DNAH10: variants seen among roughly 807,000 people sequenced by gnomAD.
DNAH10 encodes axonemal beta dynein heavy chain 10.
In DNAH10, 348 loss-of-function variants were observed where a neutral mutation model predicts 506.6. The ratio of observed to expected loss-of-function variants is 0.69; its 90% CI spans 0.63 to 0.75. The LOEUF is 0.75. Ranked by LOEUF, DNAH10 falls within the 30% of genes least tolerant of loss-of-function variation. DNAH10 has a pLI of 0.00. For missense variants in DNAH10, 5,179 were observed against 5,787.1 expected (o/e 0.89, Z 3.41); for synonymous variants, 2,059 against 2,198.6 (o/e 0.94, Z 1.78).
intron 10 of DNAH10, among the ~76,000 whole-genome samples, chr12:123,788,924 CAAAAA>C (rs1200548876): frequency 7.5e-5 from 5 of 66,596 alleles, no homozygotes; most frequent in Non-Finnish European, 1.2e-4. Flanking sequence ...GACCTTGCTT[CAAAAA>C]AAAAAAAAAA....
At chr12:123,814,718 C>T (rs1357764580) in intron 21 of DNAH10, among the ~76,000 whole-genome samples, 1 of 151,484 alleles carries the variant, frequency 6.6e-6, no homozygotes, top group African/African-American at 2.4e-5. Flanking sequence ...AGGTTCACGC[C>T]ATTCTCCTGC....
intron 61 of DNAH10, 33 bp downstream of exon 61, chr12:123,914,583 G>A (rs1954379569): frequency 1.9e-6 from 3 of 1,596,874 alleles, no homozygotes; most frequent in Non-Finnish European, 8.5e-7. Flanking sequence ...AGGAGGGAGG[G>A]GACACCTTAG....
chr12:123,931,494 T>A (rs777457681), intron 74 of DNAH10, 22 bp downstream of exon 74: 1 of 1,611,446 alleles, frequency 6.2e-7, no homozygotes, highest in Admixed American at 1.7e-5. Context: ...TCAGGAGGAC[T>A]TCATTAGTTT....
At chr12:123,825,063 G>A (rs1315258295) in intron 24 of DNAH10, among the ~76,000 whole-genome samples, 2 of 152,138 alleles carry the variant, frequency 1.3e-5, no homozygotes, top group African/African-American at 2.4e-5. Flanking sequence ...GAGGAGGAGT[G>A]GCCCAGGTGG....
chr12:123,926,591 G>GAGCTGTC lies in DNAH10; in HGVS notation c.11922-45_11922-39dup. 1 of 1,590,710 alleles carries GAGCTGTC rather than the reference G, an allele frequency of 6.3e-7. No individual in the cohort carries two copies. Among genetic ancestry groups the GAGCTGTC allele is most frequent in the African/African-American group, 1.3e-5 (1 of 74,188 alleles). ...ATCAGACAGACCAGCCCCTGGTCTG[G>GAGCTGTC]AGCTGTCCTCGCGGGAGAGTTTTCT... On this transcript the variant is annotated intron_variant, in intron 68 of 78. Coordinates refer to ENST00000673944, the MANE Select transcript of DNAH10 (RefSeq NM_001372106.1). The surrounding 1 kb of genome is among the most constrained non-coding windows in gnomAD (Gnocchi z 4.1).
In DNAH10 at chr12:123,914,769, C is replaced by T. The variant is rs186798780; in HGVS notation, c.10575-83C>T. 382 of 1,521,708 alleles carry T rather than the reference C, an allele frequency of 2.5e-4. No homozygotes were observed. The African/African-American group carries it at 4.5e-3, about 18-fold the overall frequency. The allele number at this position is 1,521,708 out of a possible 1,614,324, so 94.3% of individuals were successfully genotyped here. ...GTGGCCTGGGGATGGGTAGATTGTT[C>T]TGGAAGGCCAGTCCTACCACCCTTA... On this transcript the variant is annotated intron_variant, in intron 61 of 78. Coordinates refer to ENST00000673944, the MANE Select transcript of DNAH10 (RefSeq NM_001372106.1).
chr12:123,862,931 AAG>A (rs963344350), intron 39 of DNAH10, among the ~76,000 whole-genome samples: 3 of 152,192 alleles, frequency 2.0e-5, no homozygotes, highest in Non-Finnish European at 1.5e-5. Context: ...GAGAGAGAAT[AAG>A]AGAGAGTGCG....
intron 39 of DNAH10, among the ~76,000 whole-genome samples, chr12:123,864,146 T>TC (rs1555236401): frequency 8.8e-5 from 11 of 124,468 alleles, no homozygotes; most frequent in Non-Finnish European, 1.4e-4. Flanking sequence ...TTTTTTTCTT[T>TC]TTTTTTTTTT....
intron 57 of DNAH10, among the ~76,000 whole-genome samples, chr12:123,904,856 CA>C (rs1341487106): frequency 7.2e-5 from 11 of 152,188 alleles, no homozygotes; most frequent in Non-Finnish European, 1.3e-4. Flanking sequence ...ATTATGGCTC[CA>C]GCATCCAAAA....
chr12:123,819,792 C>T (rs2136407315), intron 23 of DNAH10, among the ~76,000 whole-genome samples: 1 of 150,908 alleles, frequency 6.6e-6, no homozygotes, highest in South Asian at 2.1e-4. Flanking sequence ...GCAACCTCCA[C>T]CTCCTGGGTT....
Position 123,845,786 on chromosome 12 carries a change from C to T in DNAH10, c.5547C>T (p.Ser1849=). The change falls in exon 31 of 79, where the codon AGC becomes AGT. Residue 1849 remains serine, a synonymous_variant. Transcript: ENST00000673944. ...TAACGCGCATCACCATGCCGCTAAGCAAAAACGACAGGAAAAAATACAACA... is the reference window on the plus strand; with the variant it reads ...TAACGCGCATCACCATGCCGCTAAGTAAAAACGACAGGAAAAAATACAACA... ...ELVTRITMPL[S]KNDRKKYNTV... The T allele has an allele frequency of 6.2e-7, 1 of 1,613,042 alleles. No homozygotes were observed. The highest frequency in any genetic ancestry group is 8.5e-7 in the Non-Finnish European group (1 of 1,179,468).
chr12:123,781,470 G>GTT (rs1403135575), intron 6 of DNAH10, among the ~76,000 whole-genome samples, 171 bp downstream of exon 6: 1 of 151,964 alleles, frequency 6.6e-6, no homozygotes, highest in African/African-American at 2.4e-5. Flanking sequence ...TTTTAGCACA[G>GTT]GATTTTTTGT....
intron 11 of DNAH10, among the ~76,000 whole-genome samples, chr12:123,791,788 C>G (rs1958090485): frequency 6.6e-6 from 1 of 152,080 alleles, no homozygotes; most frequent in Non-Finnish European, 1.5e-5. Flanking sequence ...CCAGGTTGGT[C>G]TTGAACTCCT....
chr12:123,770,487 ATTTT>A (rs56670119), intron 2 of DNAH10, among the ~76,000 whole-genome samples: 81,198 of 132,824 alleles, frequency 0.61, 24,881 homozygotes, highest in East Asian at 0.92. Flanking sequence ...CGTAAGTGTG[ATTTT>A]TTTTTTTTTT....
At chr12:123,780,808 G>T (rs1284929430) in intron 5 of DNAH10, among the ~76,000 whole-genome samples, 2 of 151,756 alleles carry the variant, frequency 1.3e-5, no homozygotes, top group Non-Finnish European at 2.9e-5. Context: ...AATTAGCTGG[G>T]TGTGCTGGTG....
intron 13 of DNAH10, among the ~76,000 whole-genome samples, chr12:123,798,279 A>G (rs1042622248): frequency 6.6e-6 from 1 of 152,232 alleles, no homozygotes; most frequent in Admixed American, 6.5e-5. Context: ...ATTGGCTCAC[A>G]GTTCTGCAGG....
intron 29 of DNAH10, among the ~76,000 whole-genome samples, chr12:123,840,633 T>C (rs1167023635): frequency 6.6e-6 from 1 of 152,144 alleles, no homozygotes; most frequent in Non-Finnish European, 1.5e-5. Context: ...TAGGAATACT[T>C]CATTTACTGT....
At position 123,928,382 on chromosome 12, in the gene DNAH10, C is replaced by T. The variant is rs751009842; in HGVS notation, c.12106-5C>T. On this transcript the variant is annotated splice_polypyrimidine_tract_variant and splice_region_variant and intron_variant, in intron 69 of 78. Coordinates refer to ENST00000673944, the MANE Select transcript of DNAH10 (RefSeq NM_001372106.1). This position sits in a 1 kb window ranked among gnomAD's most constrained non-coding sequence, Gnocchi z 4.9. ...CCCTCTCCTCTTCCCTCTCCCCCGG[C>T]GCAGGTGGCCCTGCAGCTGCTGGAG... 12 of 1,585,674 alleles carry T rather than the reference C, an allele frequency of 7.6e-6. No homozygotes were observed. Among genetic ancestry groups the T allele is most frequent in the East Asian group, 4.6e-5 (2 of 43,532 alleles).
At chr12:123,897,284 T>C (rs78750294) in intron 54 of DNAH10, among the ~76,000 whole-genome samples, 7,548 of 152,266 alleles carry the variant, frequency 0.05, 619 homozygotes, top group African/African-American at 0.17. Flanking sequence ...TTTTGCTTAT[T>C]GTGATAGTCT....
Sources: allele counts gnomAD v4.1 joint callset (sites outside exome capture counted in the v4.1 genomes callset), GRCh38; gene constraint gnomAD v4.1.1; non-coding constraint Gnocchi (gnomAD v3.1); transcripts MANE v1.5; gene names NCBI Gene and HGNC (gene_info 2026-07-23, HGNC 2026-07-21).